Variants in PITPNC1 observed in about 807,000 individuals in gnomAD.
PITPNC1 encodes the protein phosphatidylinositol transfer protein cytoplasmic 1.
Under a neutral mutation model 44.7 loss-of-function variants are expected in PITPNC1, and 18 were observed. The observed-to-expected ratio is 0.40, with a 90% CI of 0.28 to 0.60. The LOEUF is 0.60. Among genes scored for constraint, PITPNC1 ranks in the 20% least tolerant of loss-of-function variants. The probability of loss-of-function intolerance (pLI) is 0.39; values close to 1 mark genes in which losing one functional copy is unlikely to be tolerated. For missense variants in PITPNC1, 290 were observed against 418.4 expected, an observed-to-expected ratio of 0.69 and a Z score of 2.68; for synonymous variants, 141 against 149.6, an observed-to-expected ratio of 0.94 and a Z score of 0.42.
intron 1 of PITPNC1, among the ~76,000 whole-genome samples, chr17:67,388,445 C>T (rs974715243): frequency 1.3e-5 from 2 of 151,488 alleles, no homozygotes; most frequent in Non-Finnish European, 2.9e-5. Flanking sequence ...CCTCAGCCTC[C>T]CGAGTAGCTG....
At chr17:67,491,587 A>G (rs1438356279) in intron 1 of PITPNC1, among the ~76,000 whole-genome samples, 1 of 152,218 alleles carries the variant, frequency 6.6e-6, no homozygotes, top group Non-Finnish European at 1.5e-5. Flanking sequence ...GGGAAATCAG[A>G]TAATAAAAAC....
intron 3 of PITPNC1, 43 bp from the exon 4 acceptor site, chr17:67,553,567 C>CT: frequency 9.7e-7 from 1 of 1,028,022 alleles, no homozygotes; most frequent in Non-Finnish European, 1.4e-6. Context: ...TCTTTTGTCT[C>CT]TTTTTTCTTT....
chr17:67,680,415 C>T (rs2042681108), intron 8 of PITPNC1, among the ~76,000 whole-genome samples: 1 of 152,116 alleles, frequency 6.6e-6, no homozygotes. Context: ...GCCTGGCCAA[C>T]ATGGTGAAAC....
At position 67,560,457 on chromosome 17, in the gene PITPNC1, A is replaced by G. The variant is rs138820954; in HGVS notation, c.294+6840A>G. 7.3e-3 allele frequency among the ~76,000 whole-genome samples: 1,106 copies of G among 152,350 alleles called. 18 individuals carry two copies. Among genetic ancestry groups the G allele is most frequent in the African/African-American group, 0.025 (1,039 of 41,578 alleles). On this transcript the variant is annotated intron_variant, in intron 4 of 8. Transcript: ENST00000581322. The stretch of plus-strand genomic sequence containing the variant: ...CACAGAACCCGTAAGTTCCTTTTCA[A>G]GCAAAGTCAGTTCTGTTCAACCACA...
chr17:67,377,793 T>G lies in PITPNC1; in HGVS notation c.-362T>G, dbSNP rs957503867. The stretch of plus-strand genomic sequence containing the variant: ...ATTTTTGGAAATCTCTCTTTTTTCC[T>G]CCCTCGCTCGCTGCCGGGCATGTCC... On this transcript the variant is annotated 5_prime_UTR_variant, in exon 1 of 9. Coordinates refer to ENST00000581322, the MANE Select transcript of PITPNC1 (RefSeq NM_012417.4). 1 of 254,054 alleles carries G rather than the reference T, an allele frequency of 3.9e-6. No homozygotes were observed. The highest frequency in any genetic ancestry group is 2.2e-5 in the African/African-American group (1 of 44,750). The allele number at this position is 254,054 out of a possible 1,614,324, so 15.7% of individuals were successfully genotyped here.
chr17:67,631,130 C>G (rs1338093245), intron 5 of PITPNC1, among the ~76,000 whole-genome samples: 1 of 148,650 alleles, frequency 6.7e-6, no homozygotes. Context: ...GCCAGTGAAA[C>G]CTAGAGCAGA....
At chr17:67,440,839 C>T (rs142385194) in intron 1 of PITPNC1, among the ~76,000 whole-genome samples, 1 of 152,150 alleles carries the variant, frequency 6.6e-6, no homozygotes, top group Non-Finnish European at 1.5e-5. Flanking sequence ...TGAGCCATCA[C>T]GCCTAACCTC....
chr17:67,530,655 C>T (rs2040449402), intron 1 of PITPNC1, among the ~76,000 whole-genome samples: 1 of 152,176 alleles, frequency 6.6e-6, no homozygotes, highest in South Asian at 2.1e-4. Context: ...TAGGCAGTAT[C>T]AGTACTTTGT....
At chr17:67,546,297 A>G (rs572347108) in intron 2 of PITPNC1, among the ~76,000 whole-genome samples, 25 of 390 alleles carry the variant, frequency 0.064, no homozygotes, top group African/African-American at 0.097. Context: ...CTATATATGT[A>G]TATATATATA....
intron 5 of PITPNC1, among the ~76,000 whole-genome samples, chr17:67,584,968 T>G (rs896397440): frequency 2.6e-5 from 4 of 151,722 alleles, no homozygotes; most frequent in African/African-American, 9.7e-5. Flanking sequence ...TACAAAAAAT[T>G]AGCTGGGCAT....
chr17:67,479,201 C>A (rs565078139), intron 1 of PITPNC1, among the ~76,000 whole-genome samples: 1 of 152,146 alleles, frequency 6.6e-6, no homozygotes, highest in African/African-American at 2.4e-5. Flanking sequence ...CTTTTTGAGG[C>A]CTTTCTTTAC....
At position 67,530,938 on chromosome 17, in the gene PITPNC1, A is replaced by G. The variant is rs1598786294; in HGVS notation, c.49-1864A>G. The stretch of plus-strand genomic sequence containing the variant: ...GAGAAGTCAAGCTTCTGATCCTAAA[A>G]TTAATTTTAAAAATTGATTTCAGGC... On this transcript the variant is annotated intron_variant, in intron 1 of 8. Coordinates refer to ENST00000581322, the MANE Select transcript of PITPNC1 (RefSeq NM_012417.4). Among the ~76,000 whole-genome samples the G allele has an allele frequency of 2.0e-5, 3 of 152,332 alleles. 1 individual carries two copies. The Middle Eastern group carries it at 0.01, about 518-fold the overall frequency.
At chr17:67,477,573 A>T (rs2949921) in intron 1 of PITPNC1, among the ~76,000 whole-genome samples, 63,697 of 150,848 alleles carry the variant, frequency 0.42, 13,557 homozygotes, top group Middle Eastern at 0.47. Context: ...TTATTTATTT[A>T]TTTTTTGGTA....
intron 6 of PITPNC1, among the ~76,000 whole-genome samples, chr17:67,667,600 T>C (rs2042443055): frequency 6.7e-6 from 1 of 149,484 alleles, no homozygotes; most frequent in South Asian, 2.1e-4. Flanking sequence ...AAAAAAATAA[T>C]CTTCTAATGA....
At chr17:67,611,976 A>G (rs2041693012) in intron 5 of PITPNC1, 1 of 152,234 alleles carries the variant, frequency 6.6e-6, no homozygotes, top group Non-Finnish European at 1.5e-5. Flanking sequence ...CAATTCCATC[A>G]GGGAGATAGG....
intron 1 of PITPNC1, 98 bp downstream of exon 1, chr17:67,378,300 A>G: frequency 1.4e-6 from 1 of 735,342 alleles, no homozygotes; most frequent in Non-Finnish European, 2.0e-6. Flanking sequence ...CAGGAAACCC[A>G]GGTGGACGTT....
At chr17:67,421,489 C>T (rs1366013389) in intron 1 of PITPNC1, among the ~76,000 whole-genome samples, 1 of 151,992 alleles carries the variant, frequency 6.6e-6, no homozygotes, top group Non-Finnish European at 1.5e-5. Context: ...TACCATGTTG[C>T]CCAGGCTGGT....
intron 1 of PITPNC1, among the ~76,000 whole-genome samples, chr17:67,470,328 C>T (rs1401173215): frequency 2.0e-5 from 3 of 152,206 alleles, no homozygotes; most frequent in African/African-American, 4.8e-5. Context: ...ACTGCCCCAT[C>T]AAGATACAGA....
chr17:67,553,420 T>A (rs1017698764), intron 3 of PITPNC1, 190 bp from the exon 4 acceptor site: 2 of 406,528 alleles, frequency 4.9e-6, no homozygotes, highest in African/African-American at 4.1e-5. Context: ...CACATAAGTA[T>A]CATGAAAGAA....
Sources: allele counts gnomAD v4.1 joint callset (sites outside exome capture counted in the v4.1 genomes callset), GRCh38; gene constraint gnomAD v4.1.1; transcripts MANE v1.5; gene names NCBI Gene and HGNC (gene_info 2026-07-23, HGNC 2026-07-21).